The following TFEC variants were observed in gnomAD, a reference collection of about 807,000 sequenced individuals.
The protein encoded by TFEC is transcription factor EC.
Under a neutral mutation model 41.6 loss-of-function variants are expected in TFEC, and 31 were observed. That is an observed-to-expected ratio of 0.74 (90% CI 0.56 to 1.01). TFEC has a LOEUF of 1.01. Among genes scored for constraint, TFEC ranks in the 50% least tolerant of loss-of-function variants. TFEC has a pLI of 0.00. For synonymous variants in TFEC, 143 were observed against 140.6 expected (o/e 1.02, Z -0.12); for missense variants, 402 against 404.1 (o/e 0.99, Z 0.04).
chr7:115,998,173 A>C (rs996953864), intron 1 of TFEC, among the ~76,000 whole-genome samples: 1 of 152,088 alleles, frequency 6.6e-6, no homozygotes, highest in African/African-American at 2.4e-5. Context: ...TCAAACACCA[A>C]AGGTCAAGAA....
intron 1 of TFEC, chr7:116,112,179 C>T (rs1012639355): frequency 8.7e-6 from 2 of 230,224 alleles, no homozygotes; most frequent in Non-Finnish European, 1.4e-5. Flanking sequence ...TTATACACAA[C>T]AGGACATACA....
intron 3 of TFEC, among the ~76,000 whole-genome samples, chr7:116,087,131 G>A (rs1227034491): frequency 6.6e-6 from 1 of 151,888 alleles, no homozygotes; most frequent in Non-Finnish European, 1.5e-5. Flanking sequence ...CAACATCTCA[G>A]CCAATGTTAA....
chr7:115,957,744 A>T (rs1050871387), intron 3 of TFEC, among the ~76,000 whole-genome samples: 4 of 151,926 alleles, frequency 2.6e-5, no homozygotes, highest in African/African-American at 9.7e-5. Context: ...AATGACTAGG[A>T]ATAAAACATA....
Position 116,075,505 on chromosome 7 carries a change from C to CTGT in TFEC, c.198+35202_198+35203insACA, listed in dbSNP as rs1255540797. ...GCAAGTTCTCAGCCCTGGTCACCAG[C>CTGT]TGCCTGGAAACAGACTTGGTGCTGT... is the stretch of plus-strand genomic sequence containing the variant. On this transcript the variant is annotated intron_variant, in intron 3 of 8. Coordinates refer to the TFEC transcript ENST00000484212. Among the ~76,000 whole-genome samples the CTGT allele has an allele frequency of 4.6e-5, 7 of 152,258 alleles. No homozygotes were observed. In the South Asian group the frequency reaches 8.3e-4, roughly 18 times the overall value.
chr7:116,147,096 A>G (rs1271097802), intron 1 of TFEC, among the ~76,000 whole-genome samples: 6 of 152,208 alleles, frequency 3.9e-5, no homozygotes, highest in Non-Finnish European at 5.9e-5. Flanking sequence ...TATTAAAGTT[A>G]AAAGATGTAA....
At chr7:115,971,866 C>T (rs1793149258) in intron 3 of TFEC, among the ~76,000 whole-genome samples, 2 of 152,070 alleles carry the variant, frequency 1.3e-5, no homozygotes, top group South Asian at 4.2e-4. Flanking sequence ...AAAGGGATGC[C>T]CACATACAAT....
At chr7:116,001,368 G>C (rs546105128) in intron 1 of TFEC, among the ~76,000 whole-genome samples, 3 of 151,928 alleles carry the variant, frequency 2.0e-5, no homozygotes, top group Non-Finnish European at 4.4e-5. Flanking sequence ...GGCAGTGTGC[G>C]CCTGTAGTGC....
chr7:116,069,135 C>G (rs1796764932), intron 3 of TFEC, among the ~76,000 whole-genome samples: 1 of 151,442 alleles, frequency 6.6e-6, no homozygotes, highest in South Asian at 2.1e-4. Context: ...AAACCAGAGG[C>G]ACTCTAAAGA....
intron 1 of TFEC, among the ~76,000 whole-genome samples, chr7:116,123,291 C>G (rs767849316): frequency 3.3e-5 from 5 of 152,086 alleles, no homozygotes; most frequent in Admixed American, 1.3e-4. Flanking sequence ...GAAGCCTCTC[C>G]TTTTGTCCCT....
intron 6 of TFEC, among the ~76,000 whole-genome samples, chr7:115,943,636 A>T (rs1302040710): frequency 6.6e-6 from 1 of 151,518 alleles, no homozygotes; most frequent in Non-Finnish European, 1.5e-5. Flanking sequence ...TACTAAAGAG[A>T]CTTTTGCCTC....
chr7:116,012,539 A>T (rs997998433), intron 1 of TFEC, among the ~76,000 whole-genome samples: 6 of 152,230 alleles, frequency 3.9e-5, no homozygotes, highest in South Asian at 2.1e-4. Flanking sequence ...TGCACTTTTT[A>T]AAAAAATCTA....
In TFEC at chr7:116,075,957, G is replaced by A. The variant is rs140097610; in HGVS notation, c.198+34751C>T. ...TGAAAGTGCCACTTGCTGGCTGGAC[G>A]CCAACCAACATAAAACCAGTGCACT... is the stretch of plus-strand genomic sequence containing the variant. On this transcript the variant is annotated intron_variant, in intron 3 of 8. Coordinates refer to the TFEC transcript ENST00000484212. Among the ~76,000 whole-genome samples, 683 of 152,208 alleles carry A rather than the reference G, an allele frequency of 4.5e-3. 4 individuals are homozygous for A. The highest frequency in any genetic ancestry group is 0.015 in the African/African-American group (629 of 41,540).
At chr7:116,152,498 G>C (rs1276393563) in intron 1 of TFEC, among the ~76,000 whole-genome samples, 1 of 152,148 alleles carries the variant, frequency 6.6e-6, no homozygotes, top group Non-Finnish European at 1.5e-5. Context: ...TACTGATCAG[G>C]GCATGTGTGT....
chr7:116,084,053 T>C (rs950145226), intron 3 of TFEC, among the ~76,000 whole-genome samples: 1 of 151,886 alleles, frequency 6.6e-6, no homozygotes, highest in African/African-American at 2.4e-5. Context: ...ATCCCCTCTG[T>C]TACTCATTAA....
chr7:115,989,287 G>A (rs1051671359), intron 1 of TFEC, among the ~76,000 whole-genome samples: 1 of 152,206 alleles, frequency 6.6e-6, no homozygotes, highest in African/African-American at 2.4e-5. Flanking sequence ...GAGGTTCCAA[G>A]ATGGCCAAAT....
chr7:116,092,212 T>C (rs1335435844), intron 3 of TFEC, among the ~76,000 whole-genome samples: 1 of 152,172 alleles, frequency 6.6e-6, no homozygotes, highest in Non-Finnish European at 1.5e-5. Flanking sequence ...CGAAAGCACT[T>C]TCACATTGCC....
At position 116,004,158 on chromosome 7, in the gene TFEC, A is replaced by G. The variant is rs548429519; in HGVS notation, c.-72-19645T>C. ...AGAAATCAATAAAGTTGAAAACAGG[A>G]AATCAATAAAGAAAGTTAACTAAAC... On this transcript the variant is annotated intron_variant, in intron 1 of 7. Coordinates refer to ENST00000265440, the MANE Select transcript of TFEC (RefSeq NM_012252.4). 2.0e-5 allele frequency among the ~76,000 whole-genome samples: 3 copies of G among 152,298 alleles called. No individual in the cohort carries two copies. The South Asian group carries it at 6.2e-4, about 32-fold the overall frequency.
chr7:115,959,677 A>G (rs935731204), intron 3 of TFEC, among the ~76,000 whole-genome samples: 7 of 151,770 alleles, frequency 4.6e-5, no homozygotes, highest in African/African-American at 1.4e-4. Context: ...AATGAGAGAT[A>G]TGAGAAATAG....
At chr7:116,050,158 GA>G (rs1562951485) in intron 3 of TFEC, among the ~76,000 whole-genome samples, 2 of 151,122 alleles carry the variant, frequency 1.3e-5, no homozygotes, top group African/African-American at 2.4e-5. Context: ...ATAGAGACAC[GA>G]AAAAAAACCC....
Sources: allele counts gnomAD v4.1 joint callset (sites outside exome capture counted in the v4.1 genomes callset), GRCh38; gene constraint gnomAD v4.1.1; transcripts MANE v1.5; gene names NCBI Gene and HGNC (gene_info 2026-07-23, HGNC 2026-07-21).